FRYL: variants seen among roughly 807,000 people sequenced by gnomAD.
FRYL encodes the protein FRY like transcription coactivator.
Under a neutral mutation model 351.2 loss-of-function variants are expected in FRYL, and 150 were observed. The observed-to-expected ratio is 0.43, with a 90% CI of 0.37 to 0.49. FRYL has a LOEUF of 0.49. Ranked by LOEUF, FRYL falls within the 20% of genes least tolerant of loss-of-function variation. The probability of loss-of-function intolerance (pLI) is 0.00; values close to 1 mark genes in which losing one functional copy is unlikely to be tolerated. For synonymous variants in FRYL, 1,153 were observed against 1,257.1 expected (o/e 0.92, Z 1.75); for missense variants, 3,036 against 3,619.3 (o/e 0.84, Z 4.13).
intron 41 of FRYL, among the ~76,000 whole-genome samples, chr4:48,546,927 TTTTA>T (rs1731486936): frequency 6.6e-6 from 1 of 151,960 alleles, no homozygotes; most frequent in Admixed American, 6.6e-5. Context: ...AATAACAGGG[TTTTA>T]ACTAACTTTA....
At chr4:48,751,462 A>G (rs2149665894) in intron 1 of FRYL, among the ~76,000 whole-genome samples, 1 of 152,350 alleles carries the variant, frequency 6.6e-6, no homozygotes, top group African/African-American at 2.4e-5. Flanking sequence ...GAGAAGGCAG[A>G]ATAAAGGCAT....
chr4:48,745,850 C>A (rs1772612821), intron 1 of FRYL, among the ~76,000 whole-genome samples: 4 of 151,904 alleles, frequency 2.6e-5, no homozygotes, highest in Admixed American at 1.3e-4. Context: ...AAAGGCCTGT[C>A]ATAGGACAGT....
At chr4:48,564,826 A>G (rs79352370) in intron 30 of FRYL, 107 bp downstream of exon 30, 84,087 of 608,872 alleles carry the variant, frequency 0.14, 7,674 homozygotes, top group Admixed American at 0.32. Context: ...ATATGATCCT[A>G]ACCTATCTTA....
intron 42 of FRYL, 97 bp downstream of exon 42, chr4:48,545,970 G>A: frequency 9.4e-7 from 1 of 1,063,840 alleles, no homozygotes. Context: ...CACATCAATG[G>A]TATTTCAGAC....
At chr4:48,678,731 A>G (rs983026918) in intron 3 of FRYL, among the ~76,000 whole-genome samples, 1 of 152,100 alleles carries the variant, frequency 6.6e-6, no homozygotes, top group African/African-American at 2.4e-5. Context: ...GAGTTATTCC[A>G]CAAAGAACCT....
intron 1 of FRYL, among the ~76,000 whole-genome samples, chr4:48,754,352 T>C (rs929226826): frequency 6.6e-6 from 1 of 152,232 alleles, no homozygotes; most frequent in Non-Finnish European, 1.5e-5. Flanking sequence ...CTCCATTGCA[T>C]GGACATACCA....
In FRYL at chr4:48,572,003, C is replaced by G. The variant is rs533144172; in HGVS notation, c.2905-1085G>C. The G allele has an allele frequency of 6.1e-6, 6 of 984,978 alleles. No individual in the cohort carries two copies. The South Asian group carries it at 1.9e-4, about 31-fold the overall frequency. The allele number at this position is 984,978 out of a possible 1,614,324, so 61.0% of individuals were successfully genotyped here. A position where few individuals can be genotyped will look rare whatever the true frequency, so the allele number is the denominator to read the frequency against. On this transcript the variant is annotated intron_variant, in intron 26 of 63. Coordinates refer to ENST00000358350, the MANE Select transcript of FRYL (RefSeq NM_015030.2). Reference sequence around the variant, plus strand: ...AAACTGATCATTCTGAAACAAAAATCAAATCAATGACAAAATAGGAATACT... The same window carrying G: ...AAACTGATCATTCTGAAACAAAAATGAAATCAATGACAAAATAGGAATACT...
At chr4:48,614,246 C>A (rs1223032065) in intron 7 of FRYL, among the ~76,000 whole-genome samples, 11 of 152,062 alleles carry the variant, frequency 7.2e-5, no homozygotes, top group Non-Finnish European at 7.4e-5. Flanking sequence ...AAAAAAAATT[C>A]TCAAACTGAA....
intron 3 of FRYL, among the ~76,000 whole-genome samples, chr4:48,659,148 C>T (rs1438414178): frequency 6.6e-6 from 1 of 151,808 alleles, no homozygotes; most frequent in African/African-American, 2.4e-5. Context: ...GCCAGGAGAT[C>T]AAGATCAGCC....
Position 48,567,208 on chromosome 4 carries a change from C to A in FRYL, c.3169+40G>T. ...AAGGAAAGAAAAAATATGACGGTTCCTTAATACTCAATAATGCTTTAAGAA... is the reference window on the plus strand; with the variant it reads ...AAGGAAAGAAAAAATATGACGGTTCATTAATACTCAATAATGCTTTAAGAA... On this transcript the variant is annotated intron_variant, in intron 28 of 63. Coordinates refer to ENST00000358350, the MANE Select transcript of FRYL (RefSeq NM_015030.2). This position sits in a 1 kb window ranked among gnomAD's most constrained non-coding sequence, Gnocchi z 4.2. The A allele has an allele frequency of 6.6e-7, 1 of 1,524,172 alleles. No individual in the cohort carries two copies. The highest frequency in any genetic ancestry group is 1.2e-5 in the South Asian group (1 of 80,104). 94.4% of individuals were successfully genotyped at this position (1,524,172 alleles called of 1,614,324 possible).
chr4:48,696,977 A>C lies in FRYL; in HGVS notation c.-203-12182T>G, dbSNP rs1290323550. On this transcript the variant is annotated intron_variant, in intron 2 of 63. Transcript: ENST00000358350. ...CAAACAATCTCTGCTTTTGTCTTAA[A>C]ATGAATAATTTTTCTCCAAAAAAAG... Among the ~76,000 whole-genome samples the C allele has an allele frequency of 4.6e-5, 7 of 152,136 alleles. No homozygotes were observed. In the East Asian group the frequency reaches 9.7e-4, roughly 21 times the overall value.
intron 3 of FRYL, among the ~76,000 whole-genome samples, chr4:48,655,486 T>C (rs530118363): frequency 1.3e-5 from 2 of 151,894 alleles, no homozygotes; most frequent in Non-Finnish European, 2.9e-5. Flanking sequence ...ATTAACAATA[T>C]ATGTCAACAT....
chr4:48,576,414 C>T (rs1342659878), intron 23 of FRYL, among the ~76,000 whole-genome samples, 192 bp from the exon 24 acceptor site: 1 of 151,700 alleles, frequency 6.6e-6, no homozygotes, highest in Non-Finnish European at 1.5e-5. Flanking sequence ...AAGTGATCCT[C>T]CCACCTCAGC....
chr4:48,767,365 A>G (rs1218476331), intron 1 of FRYL, among the ~76,000 whole-genome samples: 1 of 152,008 alleles, frequency 6.6e-6, no homozygotes, highest in African/African-American at 2.4e-5. Context: ...TGATCCAATC[A>G]CCTCCCACCA....
intron 55 of FRYL, among the ~76,000 whole-genome samples, chr4:48,519,675 G>A (rs951742149): frequency 1.3e-5 from 2 of 151,058 alleles, no homozygotes; most frequent in Non-Finnish European, 3.0e-5. Flanking sequence ...GCTAATTTTT[G>A]TATTTTTAGT....
intron 3 of FRYL, among the ~76,000 whole-genome samples, chr4:48,664,001 C>A (rs141502404): frequency 2.0e-5 from 3 of 152,176 alleles, no homozygotes; most frequent in Admixed American, 1.3e-4. Flanking sequence ...TCTGTGGGAA[C>A]AACATCAAAC....
At chr4:48,775,204 G>A (rs1775883887) in intron 1 of FRYL, among the ~76,000 whole-genome samples, 1 of 152,214 alleles carries the variant, frequency 6.6e-6, no homozygotes, top group Non-Finnish European at 1.5e-5. Flanking sequence ...GGCTATTTTG[G>A]AAGAGGCTAT....
intron 30 of FRYL, among the ~76,000 whole-genome samples, chr4:48,564,431 C>G (rs1030874307): frequency 6.6e-6 from 1 of 152,102 alleles, no homozygotes; most frequent in African/African-American, 2.4e-5. Flanking sequence ...TTTTATCAAG[C>G]TTTATTCTTG....
intron 18 of FRYL, among the ~76,000 whole-genome samples, chr4:48,587,709 A>G (rs1578237897): frequency 6.6e-6 from 1 of 151,806 alleles, no homozygotes; most frequent in African/African-American, 2.4e-5. Flanking sequence ...ACGCCCAGCT[A>G]ATTTTTTGTA....
Sources: allele counts gnomAD v4.1 joint callset (sites outside exome capture counted in the v4.1 genomes callset), GRCh38; gene constraint gnomAD v4.1.1; non-coding constraint Gnocchi (gnomAD v3.1); transcripts MANE v1.5; gene names NCBI Gene and HGNC (gene_info 2026-07-23, HGNC 2026-07-21).